UTP20: variants seen among roughly 807,000 people sequenced by gnomAD.
UTP20 encodes UTP20 small subunit processome component.
UTP20 carries 164 observed loss-of-function variants against 329.5 expected under a neutral mutation model. That is an observed-to-expected ratio of 0.50 (90% CI 0.44 to 0.57). The LOEUF (loss-of-function observed/expected upper bound fraction) is 0.57. UTP20 is among the 20% of genes least tolerant of loss of function. The pLI is 0.00. For synonymous variants in UTP20, 1,151 were observed against 1,159.3 expected (o/e 0.99, Z 0.14); for missense variants, 3,055 against 3,284.2 (o/e 0.93, Z 1.71).
chr12:101,338,768 T>G lies in UTP20; in HGVS notation c.3869-45T>G, dbSNP rs775097441. On this transcript the variant is annotated intron_variant, in intron 30 of 61. Coordinates refer to ENST00000261637, the MANE Select transcript of UTP20 (RefSeq NM_014503.3). ...CATGAAGATTTTGTACAATTATGCC[T>G]TAAGAGAGTTTATTAAAATCAAATC... 5 of 1,526,602 alleles carry G rather than the reference T, an allele frequency of 3.3e-6. No individual in the cohort carries two copies. The South Asian group carries it at 6.5e-5, about 20-fold the overall frequency. 94.6% of individuals were successfully genotyped at this position (1,526,602 alleles called of 1,614,324 possible).
At chr12:101,342,354 A>G in intron 32 of UTP20, 92 bp from the exon 33 acceptor site, 1 of 1,037,968 alleles carries the variant, frequency 9.6e-7, no homozygotes, top group Admixed American at 2.9e-5. Flanking sequence ...CATCTTATTC[A>G]CAATTGTTTT....
intron 54 of UTP20, 46 bp downstream of exon 54, chr12:101,373,813 G>T: frequency 1.3e-6 from 2 of 1,575,964 alleles, no homozygotes; most frequent in South Asian, 2.3e-5. Flanking sequence ...TCTTAGCTTT[G>T]GGGATCATAG....
chr12:101,368,693 G>C (rs538812209), intron 48 of UTP20, among the ~76,000 whole-genome samples: 1 of 152,158 alleles, frequency 6.6e-6, no homozygotes, highest in South Asian at 2.1e-4. Flanking sequence ...CATTATTTCT[G>C]ATCCTCACAA....
In UTP20 at chr12:101,290,125, T is replaced by C. The variant is rs750835472; in HGVS notation, c.598-12T>C. The stretch of plus-strand genomic sequence containing the variant: ...TGTGAATATAATTTTCCATTTCTAC[T>C]TTATATTTTAGGTCTCTGATAAAAA... On this transcript the variant is annotated splice_polypyrimidine_tract_variant and intron_variant, in intron 6 of 61. Transcript: ENST00000261637. 1 of 1,529,266 alleles carries C rather than the reference T, an allele frequency of 6.5e-7. No individual in the cohort carries two copies. Among genetic ancestry groups the C allele is most frequent in the South Asian group, 1.2e-5 (1 of 83,640 alleles). 94.7% of individuals were successfully genotyped at this position (1,529,266 alleles called of 1,614,324 possible). A position where few individuals can be genotyped will look rare whatever the true frequency, so the allele number is the denominator to read the frequency against.
intron 4 of UTP20, 109 bp downstream of exon 4, chr12:101,285,990 C>T: frequency 6.9e-7 from 1 of 1,447,328 alleles, no homozygotes; most frequent in Non-Finnish European, 9.3e-7. Flanking sequence ...AATTTAGAAA[C>T]AAGGAGGATT....
chr12:101,363,433 A>T, intron 44 of UTP20, 143 bp from the exon 45 acceptor site: 1 of 671,922 alleles, frequency 1.5e-6, no homozygotes, highest in Non-Finnish European at 2.3e-6. Flanking sequence ...GCATTCTAAA[A>T]GAAATTTCTT....
At chr12:101,349,160 TTTTTG>T (rs1869433746) in intron 38 of UTP20, among the ~76,000 whole-genome samples, 1 of 152,088 alleles carries the variant, frequency 6.6e-6, no homozygotes, top group Non-Finnish European at 1.5e-5. Context: ...GGGTTTTTTG[TTTTTG>T]TTTTGTTTTG....
chr12:101,374,042 C>G (rs867287897), intron 54 of UTP20, among the ~76,000 whole-genome samples: 1 of 151,484 alleles, frequency 6.6e-6, no homozygotes, highest in Admixed American at 6.6e-5. Context: ...GAGACCATCC[C>G]GGCTAAAACG....
chr12:101,379,807 A>C (rs1870585000), intron 57 of UTP20, among the ~76,000 whole-genome samples: 1 of 151,936 alleles, frequency 6.6e-6, no homozygotes, highest in Non-Finnish European at 1.5e-5. Context: ...CCCATCTTCC[A>C]TTATATGTTT....
chr12:101,315,212 A>G (rs945502565), intron 21 of UTP20, among the ~76,000 whole-genome samples: 2 of 152,038 alleles, frequency 1.3e-5, no homozygotes, highest in Non-Finnish European at 2.9e-5. Context: ...CTGGCCAGGC[A>G]CGGTGGCTCA....
In UTP20 at chr12:101,370,647, C is replaced by T. The variant is rs1451391024; in HGVS notation, c.6687+84C>T. On this transcript the variant is annotated intron_variant, in intron 50 of 61. Transcript: ENST00000261637. ...GAACACATAGATCATAGTGTTTTGA[C>T]TAGTCATAGACTTCTGAAATTGAGT... 3 of 1,401,916 alleles carry T rather than the reference C, an allele frequency of 2.1e-6. No individual in the cohort carries two copies. In the East Asian group the frequency reaches 7.0e-5, roughly 33 times the overall value. The allele number at this position is 1,401,916 out of a possible 1,614,324, so 86.8% of individuals were successfully genotyped here.
rs1173384596 is a variant in UTP20, at chr12:101,317,669, T to G, written c.2738+6T>G. 6.2e-7 allele frequency: 1 copy of G among 1,600,432 alleles called. No homozygotes were observed. The highest frequency in any genetic ancestry group is 8.5e-7 in the Non-Finnish European group (1 of 1,173,852). On this transcript the variant is annotated splice_donor_region_variant and intron_variant, in intron 22 of 61. Transcript: ENST00000261637. ...ACGAGGAGAGCTGCAGCAAAGTAAG[T>G]TCACCATTGCTGAAAGATCACAGAT...
At chr12:101,336,905 G>A (rs1868951574) in intron 29 of UTP20, among the ~76,000 whole-genome samples, 1 of 152,206 alleles carries the variant, frequency 6.6e-6, no homozygotes, top group South Asian at 2.1e-4. Flanking sequence ...TTTGGTCACT[G>A]GGAAGTTGCA....
At chr12:101,361,825 T>C (rs538131921) in intron 43 of UTP20, 137 bp from the exon 44 acceptor site, 2 of 669,282 alleles carry the variant, frequency 3.0e-6, no homozygotes, top group South Asian at 3.5e-5. Context: ...AATAACTATG[T>C]GTCATTTGTC....
At position 101,356,614 on chromosome 12, in the gene UTP20, G is replaced by T; in HGVS notation, c.5455G>T (p.Val1819Phe). ...AAAGGTTGTGAATGATGAGGAAGTC[G>T]TTCGAGTTCCATTAGCTTTTGCCAT... ...KSKVVNDEEVVRVPLAFAMVK... is the reference protein window; with the variant it reads ...KSKVVNDEEVFRVPLAFAMVK... Residue 1819 changes from valine (V) to phenylalanine (F), a missense_variant, in exon 42 of 62, where the codon GTT becomes TTT. Around this residue, in one of 3 missense-constraint regions of UTP20, gnomAD observed 2,445 missense variants for 2,575.5 expected, o/e 0.95. Coordinates refer to ENST00000261637, the MANE Select transcript of UTP20 (RefSeq NM_014503.3). 6.2e-7 allele frequency: 1 copy of T among 1,614,000 alleles called. No homozygotes were observed. The highest frequency in any genetic ancestry group is 1.7e-5 in the Admixed American group (1 of 60,008).
chr12:101,329,514 C>T, intron 27 of UTP20, 65 bp downstream of exon 27: 2 of 1,504,048 alleles, frequency 1.3e-6, no homozygotes, highest in Non-Finnish European at 1.8e-6. Flanking sequence ...ATTTTAATTC[C>T]AAGAGCCTAG....
At chr12:101,334,716 G>T (rs1391518413) in intron 29 of UTP20, among the ~76,000 whole-genome samples, 1 of 152,138 alleles carries the variant, frequency 6.6e-6, no homozygotes, top group African/African-American at 2.4e-5. Flanking sequence ...AGTGGCTCAC[G>T]CCTGTAATCC....
intron 27 of UTP20, among the ~76,000 whole-genome samples, chr12:101,329,970 G>C (rs996188046): frequency 6.6e-6 from 1 of 150,728 alleles, no homozygotes; most frequent in Non-Finnish European, 1.5e-5. Flanking sequence ...ATTCCAGCAT[G>C]GGCAACAGAG....
At chr12:101,352,665 G>T (rs1326804143) in intron 39 of UTP20, among the ~76,000 whole-genome samples, 16 of 134,850 alleles carry the variant, frequency 1.2e-4, no homozygotes, top group East Asian at 1.2e-3. Flanking sequence ...ACTGTTGTGG[G>T]GTGGGGGGAG....
Sources: gnomAD v4.1 joint callset for allele counts (sites outside exome capture counted in the v4.1 genomes callset) on GRCh38, gnomAD v4.1.1 for gene constraint, gnomAD v4.1.1 regional missense constraint, MANE v1.5 for transcripts, NCBI Gene and HGNC (gene_info 2026-07-23, HGNC 2026-07-21) for gene names.